PAX6: variants seen among roughly 807,000 people sequenced by gnomAD.
PAX6 encodes the protein paired box protein Pax-6.
Under a neutral mutation model 60.7 loss-of-function variants are expected in PAX6, and 7 were observed. The observed-to-expected ratio is 0.12, with a 90% CI of 0.07 to 0.22. The LOEUF (loss-of-function observed/expected upper bound fraction) is 0.22. PAX6 is among the 10% of genes least tolerant of loss of function. The pLI, the probability that PAX6 is intolerant of heterozygous loss-of-function variation, is 1.00. For synonymous variants in PAX6, 208 were observed against 201.2 expected (o/e 1.03, Z -0.29); for missense variants, 355 against 555.2 (o/e 0.64, Z 3.62).
chr11:31,793,172 T>C, intron 12 of PAX6: 1 of 635,886 alleles, frequency 1.6e-6, no homozygotes. Flanking sequence ...CCACCCAACA[T>C]TATCAAGGTA....
At chr11:31,795,201 T>C (rs1006640646) in intron 8 of PAX6, among the ~76,000 whole-genome samples, 1 of 152,256 alleles carries the variant, frequency 6.6e-6, no homozygotes, top group African/African-American at 2.4e-5. Context: ...GTAATTCCTA[T>C]CTAATCAATT....
intron 8 of PAX6, 21 bp downstream of exon 8, chr11:31,800,670 G>A: frequency 6.2e-7 from 1 of 1,613,640 alleles, no homozygotes; most frequent in East Asian, 2.2e-5. Context: ...AGAGCTGCGT[G>A]GATGGCTGCT....
upstream of PAX6, chr11:31,814,990 G>GTCTCTCTCTCTCTCTCTCTCTCTCTCTC (rs71060502): frequency 5.4e-4 from 71 of 130,426 alleles, 1 homozygote; most frequent in East Asian, 1.5e-3. Context: ...AGGCCAGCCT[G>GTCTCTCTCTCTCTCTCTCTCTCTCTCTC]TCTCTCTCTC....
upstream of PAX6, chr11:31,811,599 A>G (rs1159550908): frequency 5.5e-6 from 1 of 182,614 alleles, no homozygotes; most frequent in Non-Finnish European, 1.1e-5. Context: ...TGAGCGGTCA[A>G]GTGAAGGTTT....
At chr11:31,807,867 C>G (rs879353723) in intron 2 of PAX6, 3 of 151,770 alleles carry the variant, frequency 2.0e-5, no homozygotes, top group Non-Finnish European at 4.4e-5. Flanking sequence ...CAGGGGTCCC[C>G]GAGGCTGCTC....
intron 4 of PAX6, chr11:31,805,022 C>G (rs373813221): frequency 6.6e-6 from 1 of 152,406 alleles, no homozygotes; most frequent in East Asian, 1.9e-4. Context: ...CTCTCGCCCA[C>G]TGGCGATGAT....
At chr11:31,795,842 A>G (rs1370157462) in intron 8 of PAX6, among the ~76,000 whole-genome samples, 1 of 152,242 alleles carries the variant, frequency 6.6e-6, no homozygotes, top group Non-Finnish European at 1.5e-5. Flanking sequence ...CAGGGCCACT[A>G]CAGGCTGGGT....
intron 8 of PAX6, among the ~76,000 whole-genome samples, chr11:31,798,571 T>G (rs1952438191): frequency 6.6e-6 from 1 of 152,152 alleles, no homozygotes; most frequent in African/African-American, 2.4e-5. Context: ...GGCAACTCTG[T>G]GCTTCGTTTG....
rs1205826769 is a variant in PAX6, at chr11:31,800,712, C to T, written c.544G>A (p.Val182Met). 2 of 1,614,170 alleles carry T rather than the reference C, an allele frequency of 1.2e-6. No individual in the cohort carries two copies. The highest frequency in any genetic ancestry group is 1.7e-6 in the Non-Finnish European group (2 of 1,180,020). ...TTACCTTGCGTAGGTTGCCCTGGCA[C>T]CGAAGTCCCCGGATACCAACCAGGG... is the stretch of plus-strand genomic sequence containing the variant. ...TRPGWYPGTS[V>M]PGQPTQDGCQ... The change falls in exon 8 of 14, where the codon GTG becomes ATG. Residue 182 changes from valine to methionine, a missense_variant. Transcript: ENST00000640368.
At chr11:31,807,888 ACCTCCCTACCTTTCCCAAAG>A (rs1956212767) in intron 2 of PAX6, 1 of 148,138 alleles carries the variant, frequency 6.8e-6, no homozygotes, top group African/African-American at 2.5e-5. Flanking sequence ...CCGTACGAAC[ACCTCCCTACCTTTCCCAAAG>A]GAAAAAAAAA....
intron 3 of PAX6, 128 bp downstream of exon 3, chr11:31,806,721 T>C (rs1197954750): frequency 2.3e-6 from 1 of 431,330 alleles, no homozygotes; most frequent in East Asian, 3.5e-5. Flanking sequence ...AACCCTTTAA[T>C]CAGTAGAAGC....
Position 31,789,933 on chromosome 11 carries a change from T to TAG in PAX6, c.1311_*1insCT. The TAG allele has an allele frequency of 3.2e-6, 5 of 1,557,038 alleles. No homozygotes were observed. The highest frequency in any genetic ancestry group is 1.4e-5 in the African/African-American group (1 of 70,938). ...TTTCCTTTTTTTTTTTTTTTTTTTT[T>TAG]TTACTGTAATCTTGGCCAGTATTGA... On this transcript the variant is annotated 3_prime_UTR_variant, in exon 14 of 14. Transcript: ENST00000640368.
chr11:31,799,591 TAACAA>T (rs1952868431), intron 8 of PAX6, among the ~76,000 whole-genome samples: 1 of 152,200 alleles, frequency 6.6e-6, no homozygotes, highest in Non-Finnish European at 1.5e-5. Flanking sequence ...ATTGTTCCCA[TAACAA>T]ATTCTTGCGA....
intron 8 of PAX6, among the ~76,000 whole-genome samples, chr11:31,799,927 G>A (rs1953027636): frequency 6.6e-6 from 1 of 151,922 alleles, no homozygotes; most frequent in African/African-American, 2.4e-5. Context: ...GGAGCGGAGG[G>A]GAGCCAACTG....
chr11:31,795,520 G>T (rs973270023), intron 8 of PAX6, among the ~76,000 whole-genome samples: 1 of 152,146 alleles, frequency 6.6e-6, no homozygotes, highest in Non-Finnish European at 1.5e-5. Context: ...TTGCACCAGA[G>T]AAAAGTAAGA....
At chr11:31,816,003 A>AG (rs958692203), upstream of PAX6, among the ~76,000 whole-genome samples, 1 of 152,134 alleles carries the variant, frequency 6.6e-6, no homozygotes, top group African/African-American at 2.4e-5. Flanking sequence ...ACGAGAGGAA[A>AG]GGGAATGAAA....
chr11:31,789,490 A>C lies in PAX6; in HGVS notation c.*444T>G. On this transcript the variant is annotated 3_prime_UTR_variant, in exon 14 of 14. Coordinates refer to ENST00000640368, the MANE Select transcript of PAX6 (RefSeq NM_001368894.2). The stretch of plus-strand genomic sequence containing the variant: ...ACAAACTTGGAACATCAGTCCATAA[A>C]CTATGAACAGATGGGTAGAAGTATT... 3.6e-6 allele frequency: 2 copies of C among 561,472 alleles called. No individual in the cohort carries two copies. The highest frequency in any genetic ancestry group is 5.8e-5 in the East Asian group (2 of 34,608). The allele number at this position is 561,472 out of a possible 1,614,324, so 34.8% of individuals were successfully genotyped here.
intron 8 of PAX6, among the ~76,000 whole-genome samples, chr11:31,796,651 G>A (rs1015800043): frequency 8.6e-5 from 13 of 151,442 alleles, no homozygotes; most frequent in African/African-American, 3.2e-4. Context: ...AAGACAGAGG[G>A]CGATGGAGGG....
chr11:31,799,634 A>G (rs1952879038), intron 8 of PAX6, among the ~76,000 whole-genome samples: 1 of 152,118 alleles, frequency 6.6e-6, no homozygotes, highest in Non-Finnish European at 1.5e-5. Context: ...TGTACCAGAT[A>G]TTTCGCATAC....
Sources: gnomAD v4.1 joint callset for allele counts (sites outside exome capture counted in the v4.1 genomes callset) on GRCh38, gnomAD v4.1.1 for gene constraint, MANE v1.5 for transcripts, NCBI Gene and HGNC (gene_info 2026-07-23, HGNC 2026-07-21) for gene names.